The following NPHP3 variants were observed in gnomAD, a reference collection of about 807,000 sequenced individuals.
The protein encoded by NPHP3 is nephrocystin-3.
In NPHP3, 123 loss-of-function variants were observed where a neutral mutation model predicts 171.9. The observed-to-expected ratio is 0.72, with a 90% confidence interval of 0.62 to 0.83. The LOEUF (loss-of-function observed/expected upper bound fraction) is 0.83. Among genes scored for constraint, NPHP3 ranks in the 40% least tolerant of loss-of-function variants. The pLI is 0.00. For missense variants in NPHP3, 1,506 were observed against 1,591.9 expected (o/e 0.95, Z 0.92); for synonymous variants, 558 against 579.2 (o/e 0.96, Z 0.52).
In NPHP3 at chr3:132,715,343, T is replaced by A. The variant is rs115124403; in HGVS notation, c.824-125A>T. Reference sequence around the variant, plus strand: ...CTGATCTTACATGTTAATACTGCCATACCTTCTAGAGTAATATATTCAAAG... The same window carrying A: ...CTGATCTTACATGTTAATACTGCCAAACCTTCTAGAGTAATATATTCAAAG... On this transcript the variant is annotated intron_variant, in intron 4 of 26. Coordinates refer to ENST00000337331, the MANE Select transcript of NPHP3 (RefSeq NM_153240.5). The A allele has an allele frequency of 4.5e-3, 3,404 of 763,528 alleles. 77 individuals carry two copies. In the African/African-American group the frequency reaches 0.052, roughly 12 times the overall value. The allele number at this position is 763,528 out of a possible 1,614,324, so 47.3% of individuals were successfully genotyped here. A position where few individuals can be genotyped will look rare whatever the true frequency, so the allele number is the denominator to read the frequency against.
chr3:132,707,718 C>A (rs113385315), intron 7 of NPHP3, among the ~76,000 whole-genome samples: 12 of 152,238 alleles, frequency 7.9e-5, no homozygotes, highest in African/African-American at 2.2e-4. Flanking sequence ...CACCACCCTG[C>A]TTGGAGTCAC....
chr3:132,702,636 G>C (rs948228540), intron 9 of NPHP3, among the ~76,000 whole-genome samples: 3 of 152,082 alleles, frequency 2.0e-5, no homozygotes, highest in Non-Finnish European at 2.9e-5. Flanking sequence ...CCAGCTTTAG[G>C]CTTGCTTTAG....
intron 1 of NPHP3, 23 bp downstream of exon 1, chr3:132,721,940 G>T (rs202181341): frequency 6.2e-7 from 1 of 1,610,470 alleles, no homozygotes. Context: ...GTCTCCCGGC[G>T]TCGCGGCCCA....
chr3:132,684,090 C>T (rs1207784928), intron 24 of NPHP3, among the ~76,000 whole-genome samples: 1 of 152,100 alleles, frequency 6.6e-6, no homozygotes, highest in Non-Finnish European at 1.5e-5. Context: ...CAGTATAGAA[C>T]CCTATGGCAA....
intron 9 of NPHP3, among the ~76,000 whole-genome samples, chr3:132,703,395 T>C (rs1247832372): frequency 1.3e-5 from 2 of 152,180 alleles, no homozygotes; most frequent in Non-Finnish European, 2.9e-5. Context: ...ATAGATTTCA[T>C]TGTATATTTC....
intron 15 of NPHP3, 31 bp from the exon 16 acceptor site, chr3:132,694,996 T>C (rs1228530779): frequency 6.8e-6 from 11 of 1,611,848 alleles, no homozygotes; most frequent in Non-Finnish European, 8.5e-6. Context: ...TTTAATTTCT[T>C]ACAGATTGCC....
rs1240851280 is a variant in NPHP3, at chr3:132,700,371, G to C, written c.1706C>G (p.Ser569Ter). The change falls in exon 11 of 27, where the codon TCA becomes TGA. Residue 569 changes from serine (S) to a stop codon, truncating the protein, a stop_gained. Transcript: ENST00000337331. LOFTEE classifies it high-confidence loss of function. ...HFVGRPMSTS[S>*]ESSLIIKRLT... ...TCGTTTAATAATCAAGGAGGACTCTGAGCTGGTTGACATGGGCCTTCCCAC... is the reference window on the plus strand; with the variant it reads ...TCGTTTAATAATCAAGGAGGACTCTCAGCTGGTTGACATGGGCCTTCCCAC... 1.2e-6 allele frequency: 2 copies of C among 1,612,880 alleles called. No homozygotes were observed. Among genetic ancestry groups the C allele is most frequent in the African/African-American group, 2.7e-5 (2 of 74,908 alleles).
At chr3:132,699,548 A>G in intron 12 of NPHP3, 98 bp from the exon 13 acceptor site, 1 of 858,260 alleles carries the variant, frequency 1.2e-6, no homozygotes, top group Non-Finnish European at 1.8e-6. Flanking sequence ...CATTAAGTTT[A>G]TCTTATTAAG....
At chr3:132,699,814 ACAT>A (rs1939558487) in intron 12 of NPHP3, 101 bp downstream of exon 12, 24 of 1,263,082 alleles carry the variant, frequency 1.9e-5, no homozygotes, top group East Asian at 4.7e-5. Context: ...ATAAAAAATA[ACAT>A]CATATTTTCT....
intron 23 of NPHP3, 21 bp from the exon 24 acceptor site, chr3:132,684,815 T>C: frequency 1.2e-6 from 2 of 1,610,746 alleles, no homozygotes; most frequent in Non-Finnish European, 8.5e-7. Context: ...AATCCCAAAA[T>C]GGCTTAAACT....
intron 25 of NPHP3, among the ~76,000 whole-genome samples, 158 bp from the exon 26 acceptor site, chr3:132,682,976 A>C (rs1939070825): frequency 6.6e-6 from 1 of 152,234 alleles, no homozygotes; most frequent in Non-Finnish European, 1.5e-5. Flanking sequence ...TAGGAGAAGC[A>C]GTATAATAGA....
At chr3:132,714,568 A>T (rs994365758) in intron 5 of NPHP3, among the ~76,000 whole-genome samples, 59 of 105,060 alleles carry the variant, frequency 5.6e-4, no homozygotes, top group African/African-American at 1.8e-3. Context: ...AAAAAAAAAT[A>T]AATAAATTAA....
rs3860502 is a variant in NPHP3 at position 132,719,255 on chromosome 3, C to T, written c.520-111G>A. 0.2 allele frequency: 165,669 copies of T among 842,452 alleles called. 19,257 individuals carry two copies. Among genetic ancestry groups the T allele is most frequent in the East Asian group, 0.53 (20,283 of 37,964 alleles). The allele number at this position is 842,452 out of a possible 1,614,324, so 52.2% of individuals were successfully genotyped here. On this transcript the variant is annotated intron_variant, in intron 2 of 26. Transcript: ENST00000337331. Reference sequence around the variant, plus strand: ...ATAAAACCAATATTCATTTGGTCCTCGATTTCCTCTTTCATAGGGTGAATG... The same window carrying T: ...ATAAAACCAATATTCATTTGGTCCTTGATTTCCTCTTTCATAGGGTGAATG...
intron 9 of NPHP3, among the ~76,000 whole-genome samples, chr3:132,703,987 C>G (rs866739392): frequency 9.9e-5 from 15 of 152,166 alleles, no homozygotes; most frequent in South Asian, 2.1e-4. Flanking sequence ...TAGTCCATAA[C>G]TAAAAATGTT....
At chr3:132,716,608 C>A (rs1372391418) in intron 4 of NPHP3, 149 bp downstream of exon 4, 1 of 855,506 alleles carries the variant, frequency 1.2e-6, no homozygotes, top group East Asian at 2.6e-5. Context: ...TTGTTAGTTA[C>A]AGCCCCACTG....
chr3:132,699,815 C>A, intron 12 of NPHP3, 103 bp downstream of exon 12: 1 of 1,266,954 alleles, frequency 7.9e-7, no homozygotes, highest in African/African-American at 1.5e-5. Context: ...TAAAAAATAA[C>A]ATCATATTTT....
intron 26 of NPHP3, 29 bp downstream of exon 26, chr3:132,682,674 T>C (rs1168124186): frequency 4.2e-6 from 5 of 1,188,194 alleles, no homozygotes; most frequent in Non-Finnish European, 6.3e-6. Context: ...TAAAAGAGGC[T>C]GTATAAGGAA....
intron 16 of NPHP3, 44 bp downstream of exon 16, chr3:132,694,783 C>T (rs543501657): frequency 1.6e-4 from 250 of 1,602,938 alleles, no homozygotes; most frequent in Non-Finnish European, 2.1e-4. Flanking sequence ...CACACACACA[C>T]AAAGCAAACT....
intron 24 of NPHP3, 32 bp downstream of exon 24, chr3:132,684,522 T>C: frequency 6.2e-7 from 1 of 1,612,560 alleles, no homozygotes; most frequent in Non-Finnish European, 8.5e-7. Flanking sequence ...TGATATGTTA[T>C]AAAACATGTA....
Sources: gnomAD v4.1 joint callset for allele counts (sites outside exome capture counted in the v4.1 genomes callset) on GRCh38, gnomAD v4.1.1 for gene constraint, MANE v1.5 for transcripts, NCBI Gene and HGNC (gene_info 2026-07-23, HGNC 2026-07-21) for gene names.